The following PSMA2 variants were observed in gnomAD, a reference collection of about 807,000 sequenced individuals.
PSMA2 encodes the protein proteasome subunit alpha type-2.
PSMA2 carries 2 observed loss-of-function variants against 35.9 expected under a neutral mutation model. The ratio of observed to expected loss-of-function variants is 0.06; its 90% confidence interval spans 0.02 to 0.18. The LOEUF (loss-of-function observed/expected upper bound fraction) is 0.18, where lower values mean the gene tolerates loss of function less well. Among genes scored for constraint, PSMA2 ranks in the 10% least tolerant of loss-of-function variants. The pLI, the probability that PSMA2 is intolerant of heterozygous loss-of-function variation, is 1.00. For synonymous variants in PSMA2, 97 were observed against 98.2 expected (o/e 0.99, Z 0.07); for missense variants, 126 against 278.8 (o/e 0.45, Z 3.90).
At chr7:42,918,895 C>T in intron 6 of PSMA2, 1 of 183,968 alleles carries the variant, frequency 5.4e-6, no homozygotes. Context: ...GCAATCTTGG[C>T]TCACTGCAAA....
At chr7:42,919,302 G>T in intron 6 of PSMA2, 1 of 607,702 alleles carries the variant, frequency 1.6e-6, no homozygotes. Flanking sequence ...CAAAGTGTGG[G>T]ATGCTATCCC....
rs754518957 is a variant in PSMA2 at position 42,924,806 on chromosome 7, G to C, written c.252-9C>G. The C allele has an allele frequency of 1.0e-5, 16 of 1,601,936 alleles. No individual in the cohort carries two copies. The highest frequency in any genetic ancestry group is 1.3e-5 in the Non-Finnish European group (15 of 1,174,442). On this transcript the variant is annotated splice_polypyrimidine_tract_variant and intron_variant, in intron 3 of 7. Coordinates refer to ENST00000223321, the MANE Select transcript of PSMA2 (RefSeq NM_002787.5). Reference sequence around the variant, plus strand: ...CTCTGTGCACAAGCACTCTAACAAGGAAAAAATAAGATTTAATTACACAGA... The same window carrying C: ...CTCTGTGCACAAGCACTCTAACAAGCAAAAAATAAGATTTAATTACACAGA...
chr7:42,927,188 T>G (rs111930566), intron 2 of PSMA2, among the ~76,000 whole-genome samples, 195 bp downstream of exon 2: 3 of 152,306 alleles, frequency 2.0e-5, no homozygotes, highest in African/African-American at 7.2e-5. Context: ...CAGATAAAGG[T>G]GTTACTATTT....
At chr7:42,919,787 T>C in intron 6 of PSMA2, 1 of 667,252 alleles carries the variant, frequency 1.5e-6, no homozygotes, top group Non-Finnish European at 2.8e-6. Flanking sequence ...GTTAAACTTA[T>C]AAGTATGATG....
At chr7:42,927,595 T>A in intron 1 of PSMA2, 136 bp from the exon 2 acceptor site, 1 of 781,132 alleles carries the variant, frequency 1.3e-6, no homozygotes. Context: ...TTGACCTCTA[T>A]CATGAAGTGG....
chr7:42,924,805 G>A lies in PSMA2; in HGVS notation c.252-8C>T. 1 of 1,602,266 alleles carries A rather than the reference G, an allele frequency of 6.2e-7. No individual in the cohort carries two copies. The highest frequency in any genetic ancestry group is 8.5e-7 in the Non-Finnish European group (1 of 1,174,502). On this transcript the variant is annotated splice_polypyrimidine_tract_variant and splice_region_variant and intron_variant, in intron 3 of 7. Coordinates refer to ENST00000223321, the MANE Select transcript of PSMA2 (RefSeq NM_002787.5). Reference sequence around the variant, plus strand: ...GCTCTGTGCACAAGCACTCTAACAAGGAAAAAATAAGATTTAATTACACAG... The same window carrying A: ...GCTCTGTGCACAAGCACTCTAACAAAGAAAAAATAAGATTTAATTACACAG...
intron 7 of PSMA2, 41 bp from the exon 8 acceptor site, chr7:42,917,731 T>C (rs1786054228): frequency 6.2e-7 from 1 of 1,610,298 alleles, no homozygotes; most frequent in Non-Finnish European, 8.5e-7. Flanking sequence ...TTCTAAGCAG[T>C]TAATCATGAA....
At chr7:42,927,257 G>A in intron 2 of PSMA2, 126 bp downstream of exon 2, 1 of 855,406 alleles carries the variant, frequency 1.2e-6, no homozygotes, top group Non-Finnish European at 1.8e-6. Context: ...CCAAAACACT[G>A]TAAATTAACA....
intron 3 of PSMA2, among the ~76,000 whole-genome samples, chr7:42,925,731 T>C (rs969880044): frequency 2.0e-5 from 3 of 152,236 alleles, no homozygotes; most frequent in Non-Finnish European, 4.4e-5. Flanking sequence ...TCCCTCTGTG[T>C]GACAGTCATG....
At chr7:42,928,738 A>G (rs1786250467) in intron 1 of PSMA2, among the ~76,000 whole-genome samples, 1 of 152,098 alleles carries the variant, frequency 6.6e-6, no homozygotes. Flanking sequence ...TGGTCACTCA[A>G]ATCTCAACTC....
chr7:42,929,869 A>T (rs1234948559), intron 1 of PSMA2, among the ~76,000 whole-genome samples: 1 of 152,166 alleles, frequency 6.6e-6, no homozygotes, highest in South Asian at 2.1e-4. Flanking sequence ...CCCTCTGTCT[A>T]CAAGTCTCCT....
intron 6 of PSMA2, chr7:42,920,028 A>G: frequency 1.5e-6 from 1 of 688,698 alleles, no homozygotes; most frequent in East Asian, 2.7e-5. Context: ...GAGAAGAGCT[A>G]GAAGAAATTG....
rs1451651290 is a variant in PSMA2, at chr7:42,917,058, C to T, written c.*516G>A. 1 of 152,340 alleles carries T rather than the reference C, an allele frequency of 6.6e-6. No homozygotes were observed. The highest frequency in any genetic ancestry group is 1.5e-5 in the Non-Finnish European group (1 of 68,164). The allele number at this position is 152,340 out of a possible 1,614,324, so 9.4% of individuals were successfully genotyped here. A position where few individuals can be genotyped will look rare whatever the true frequency, so the allele number is the denominator to read the frequency against. ...ATGGAGACCTATTTGGCTTACCACT[C>T]TTCATAGGCCTAGTACAATCTCATA... On this transcript the variant is annotated 3_prime_UTR_variant, in exon 8 of 8. Transcript: ENST00000223321.
At chr7:42,926,414 A>G (rs917542022) in intron 3 of PSMA2, 122 bp downstream of exon 3, 3 of 1,236,572 alleles carry the variant, frequency 2.4e-6, no homozygotes, top group Non-Finnish European at 3.3e-6. Flanking sequence ...ATTGCTAAAC[A>G]AAGCACACAA....
At chr7:42,922,088 A>C (rs996449948) in intron 5 of PSMA2, among the ~76,000 whole-genome samples, 157 bp from the exon 6 acceptor site, 2 of 152,160 alleles carry the variant, frequency 1.3e-5, no homozygotes, top group African/African-American at 4.8e-5. Context: ...GTTATTTTTT[A>C]AGAAGGCTAG....
chr7:42,926,253 A>G (rs1269990193), intron 3 of PSMA2, among the ~76,000 whole-genome samples: 1 of 152,258 alleles, frequency 6.6e-6, no homozygotes, highest in Non-Finnish European at 1.5e-5. Context: ...CAGTTCCTGG[A>G]TAGTAGAAGA....
At position 42,921,953 on chromosome 7, in the gene PSMA2, A is replaced by G; in HGVS notation, c.457-22T>C. The G allele has an allele frequency of 2.5e-6, 4 of 1,585,508 alleles. No individual in the cohort carries two copies. In the East Asian group the frequency reaches 6.7e-5, roughly 27 times the overall value. On this transcript the variant is annotated intron_variant, in intron 5 of 7. Transcript: ENST00000223321. ...CTCCCTAATCAGGAAAGAAAGAGTA[A>G]AAAACCATATTTTAAAACACAAATA... is the stretch of plus-strand genomic sequence containing the variant.
rs1252311639 is a variant in PSMA2, at chr7:42,927,420, A to G, written c.81T>C (p.Ala27=). The G allele has an allele frequency of 6.2e-7, 1 of 1,614,192 alleles. No homozygotes were observed. The highest frequency in any genetic ancestry group is 8.5e-7 in the Non-Finnish European group (1 of 1,180,012). ...GKLVQIEYAL[A]AVAGGAPSVG... is the part of the protein sequence containing the mutation. ...CGGACGGGGCTCCTCCAGCTACAGC[A>G]GCCAAAGCATATTCAATCTGGACAA... The change falls in exon 2 of 8, where the codon GCT becomes GCC. Residue 27 remains alanine, a synonymous_variant. Transcript: ENST00000223321.
At chr7:42,926,372 G>A (rs1041690940) in intron 3 of PSMA2, among the ~76,000 whole-genome samples, 164 bp downstream of exon 3, 1 of 152,062 alleles carries the variant, frequency 6.6e-6, no homozygotes, top group Non-Finnish European at 1.5e-5. Context: ...ACCTATACAG[G>A]CAAACTAAAT....
Sources: gnomAD v4.1 joint callset for allele counts (sites outside exome capture counted in the v4.1 genomes callset) on GRCh38, gnomAD v4.1.1 for gene constraint, MANE v1.5 for transcripts, NCBI Gene and HGNC (gene_info 2026-07-23, HGNC 2026-07-21) for gene names.